Variants in RASIP1 observed in about 807,000 individuals in gnomAD.
RASIP1 encodes the protein ras-interacting protein 1.
A neutral mutation model predicts 85.3 loss-of-function variants in RASIP1; 20 were observed. That is an observed-to-expected ratio of 0.23 (90% CI 0.17 to 0.34). The LOEUF (loss-of-function observed/expected upper bound fraction) is 0.34. Among genes scored for constraint, RASIP1 ranks in the 10% least tolerant of loss-of-function variants. The probability of loss-of-function intolerance (pLI) is 1.00; values close to 1 mark genes in which losing one functional copy is unlikely to be tolerated. For synonymous variants in RASIP1, 617 were observed against 647.1 expected, an observed-to-expected ratio of 0.95 and a Z score of 0.71; for missense variants, 1,170 against 1,390.9, an observed-to-expected ratio of 0.84 and a Z score of 2.53.
At chr19:48,737,830 A>G in intron 3 of RASIP1, 1 of 984,530 alleles carries the variant, frequency 1.0e-6, no homozygotes, top group Non-Finnish European at 1.2e-6. Flanking sequence ...CCGCCCCACA[A>G]CATGCCCCGC....
At position 48,739,318 on chromosome 19, in the gene RASIP1, C is replaced by T. The variant is rs1389761818; in HGVS notation, c.465G>A (p.Leu155=). 8 of 1,381,582 alleles carry T rather than the reference C, an allele frequency of 5.8e-6. No homozygotes were observed. The African/African-American group carries it at 1.1e-4, about 18-fold the overall frequency. The allele number at this position is 1,381,582 out of a possible 1,614,324, so 85.6% of individuals were successfully genotyped here. A position where few individuals can be genotyped will look rare whatever the true frequency, so the allele number is the denominator to read the frequency against. ...PGVLKIFGAG[L]ASGANYKSVL... ...CGCTCTTGTAGTTGGCGCCCGATGCCAGTCCGGCGCCGAAGATCTTGAGGA... is the reference window on the plus strand; with the variant it reads ...CGCTCTTGTAGTTGGCGCCCGATGCTAGTCCGGCGCCGAAGATCTTGAGGA... Residue 155 remains leucine (L), a synonymous_variant, in exon 3 of 12, where the codon CTG becomes CTA. Transcript: ENST00000222145. This position sits in a 1 kb window ranked among gnomAD's most constrained non-coding sequence, Gnocchi z 9.2.
Position 48,735,409 on chromosome 19 carries a change from A to G in RASIP1, c.966T>C (p.Ser322=). Residue 322 remains serine, a synonymous_variant, in exon 4 of 12, where the codon TCT becomes TCC. Coordinates refer to ENST00000222145, the MANE Select transcript of RASIP1 (RefSeq NM_017805.3). ...TAAGCTCCGACACGCTGCGCCGCAA[A>G]GACAAGTTTTCTGAGCGCTCCTTGC... ...SGGKERSENL[S]LRRSVSELSL... is the part of the protein sequence containing the mutation. The G allele has an allele frequency of 1.2e-6, 2 of 1,612,552 alleles. No individual in the cohort carries two copies. Among genetic ancestry groups the G allele is most frequent in the African/African-American group, 2.7e-5 (2 of 75,052 alleles).
Position 48,720,957 on chromosome 19 carries a change from G to A in RASIP1, c.2733C>T (p.Ile911=), listed in dbSNP as rs377403982. The A allele has an allele frequency of 6.2e-7, 1 of 1,611,738 alleles. No homozygotes were observed. Among genetic ancestry groups the A allele is most frequent in the Admixed American group, 1.7e-5 (1 of 59,946 alleles). ...GCAGGCGCGAGCTCCCCAGGGGGAG[G>A]ATGAGGGGCGGGTGCGAGGAGAAGC... ...FESFSSHPPL[I]LPLGSSRLRL... is the part of the protein sequence containing the mutation. The change falls in exon 12 of 12, where the codon ATC becomes ATT. Residue 911 remains isoleucine (I), a synonymous_variant. Coordinates refer to ENST00000222145, the MANE Select transcript of RASIP1 (RefSeq NM_017805.3).
In RASIP1 at chr19:48,726,876, C is replaced by G; in HGVS notation, c.2036G>C (p.Cys679Ser). The G allele has an allele frequency of 6.2e-7, 1 of 1,613,722 alleles. No homozygotes were observed. The highest frequency in any genetic ancestry group is 8.5e-7 in the Non-Finnish European group (1 of 1,179,784). ...KEADQEDPQL[C>S]NDLELCDEAM... The stretch of plus-strand genomic sequence containing the variant: ...CTCATCACATAATTCCAAGTCATTG[C>G]AGAGCTGTGGGTCTGAGGACAGGCT... Residue 679 changes from cysteine to serine, a missense_variant, in exon 8 of 12, where the codon TGC (cysteine) becomes TCC (serine). This residue lies in a region of RASIP1 where 426 missense variants were observed against 576.2 expected (regional missense o/e 0.74). Transcript: ENST00000222145.
At chr19:48,729,636 A>G (rs1281680354) in intron 4 of RASIP1, 46 bp from the exon 5 acceptor site, 6 of 1,514,356 alleles carry the variant, frequency 4.0e-6, no homozygotes, top group Admixed American at 1.9e-5. Flanking sequence ...TTCAATCCAT[A>G]TCTTCAGATC....
In RASIP1 at chr19:48,728,993, C is replaced by T. The variant is rs1212668157; in HGVS notation, c.1777G>A (p.Gly593Ser). The change falls in exon 5 of 12, where the codon GGC becomes AGC. Residue 593 changes from glycine to serine, a missense_variant. Gly to Ser is a moderately conservative substitution (Grantham distance 56). Coordinates refer to ENST00000222145, the MANE Select transcript of RASIP1 (RefSeq NM_017805.3). ...CGGCCCAGCAGTCGTGGCAGGTGGC[C>T]CAGCTCCAGCTCACGGGCGGAATGC... ...VQHSARELEL[G>S]HLPRLLGRLA... 3 of 1,453,078 alleles carry T rather than the reference C, an allele frequency of 2.1e-6. No individual in the cohort carries two copies. Among genetic ancestry groups the T allele is most frequent in the Non-Finnish European group, 1.8e-6 (2 of 1,111,528 alleles). 90.0% of individuals were successfully genotyped at this position (1,453,078 alleles called of 1,614,324 possible).
rs764913382 is a variant in RASIP1, at chr19:48,721,941, G to C, written c.2605C>G (p.Leu869Val). 10 of 1,578,870 alleles carry C rather than the reference G, an allele frequency of 6.3e-6. No homozygotes were observed. In the Admixed American group the frequency reaches 1.5e-4, roughly 23 times the overall value. The change falls in exon 11 of 12, where the codon CTG becomes GTG. Residue 869 changes from leucine to valine, a missense_variant. By Grantham distance (32) the Leu-to-Val change is conservative (BLOSUM62 1). Transcript: ENST00000222145. ...PTLTPAQLHH[L>V]LSHYQLGPGR... ...GGGCCCAGCTGATAGTGGCTGAGCA[G>C]ATGGTGCAGCTGGGCGGGGGTCAAG...
At position 48,739,320 on chromosome 19, in the gene RASIP1, G is replaced by T. The variant is rs2122490366; in HGVS notation, c.463C>A (p.Leu155Met). 7.2e-7 allele frequency: 1 copy of T among 1,380,162 alleles called. No individual in the cohort carries two copies. The highest frequency in any genetic ancestry group is 1.5e-5 in the African/African-American group (1 of 65,840). 85.5% of individuals were successfully genotyped at this position (1,380,162 alleles called of 1,614,324 possible). The change falls in exon 3 of 12, where the codon CTG becomes ATG. Residue 155 changes from leucine to methionine, a missense_variant. Coordinates refer to ENST00000222145, the MANE Select transcript of RASIP1 (RefSeq NM_017805.3). This position sits in a 1 kb window ranked among gnomAD's most constrained non-coding sequence, Gnocchi z 9.2. Reference protein sequence around the residue: ...PGVLKIFGAGLASGANYKSVL... With the variant: ...PGVLKIFGAGMASGANYKSVL... ...CTCTTGTAGTTGGCGCCCGATGCCAGTCCGGCGCCGAAGATCTTGAGGACC... is the reference window on the plus strand; with the variant it reads ...CTCTTGTAGTTGGCGCCCGATGCCATTCCGGCGCCGAAGATCTTGAGGACC...
Position 48,720,702 on chromosome 19 carries a change from G to T in RASIP1, c.*96C>A. The T allele has an allele frequency of 7.4e-7, 1 of 1,351,026 alleles. No individual in the cohort carries two copies. Among genetic ancestry groups the T allele is most frequent in the Non-Finnish European group, 1.0e-6 (1 of 955,900 alleles). The allele number at this position is 1,351,026 out of a possible 1,614,324, so 83.7% of individuals were successfully genotyped here. A position where few individuals can be genotyped will look rare whatever the true frequency, so the allele number is the denominator to read the frequency against. On this transcript the variant is annotated 3_prime_UTR_variant, in exon 12 of 12. Coordinates refer to ENST00000222145, the MANE Select transcript of RASIP1 (RefSeq NM_017805.3). Reference sequence around the variant, plus strand: ...TCTCCCAACATTCCACGCGGGATAAGAACTACAACTCCCAGAAAGCTTTGC... The same window carrying T: ...TCTCCCAACATTCCACGCGGGATAATAACTACAACTCCCAGAAAGCTTTGC...
rs1434160213 is a variant in RASIP1, at chr19:48,739,618, G to A, written c.165C>T (p.Arg55=). 9 of 1,447,902 alleles carry A rather than the reference G, an allele frequency of 6.2e-6. No individual in the cohort carries two copies. Among genetic ancestry groups the A allele is most frequent in the Non-Finnish European group, 8.2e-6 (9 of 1,100,090 alleles). 89.7% of individuals were successfully genotyped at this position (1,447,902 alleles called of 1,614,324 possible). The change falls in exon 3 of 12, where the codon CGC becomes CGT. Residue 55 remains arginine (R), a synonymous_variant. Coordinates refer to ENST00000222145, the MANE Select transcript of RASIP1 (RefSeq NM_017805.3). This position sits in a 1 kb window ranked among gnomAD's most constrained non-coding sequence, Gnocchi z 9.2. ...VKSSSSDTGS[R]SSEPLPPPPP... ...GGGGCGGAGGTAGCGGCTCGCTGCT[G>A]CGGCTCCCCGTGTCCGACGAAGAAG...
In RASIP1 at chr19:48,724,841, G is replaced by C; in HGVS notation, c.2247C>G (p.Gly749=). ...AMPPGLRPTL[G]VFQAALELTS... ...TCAGCTCCAAGGCTGCCTGGAACACGCCCAGGGTAGGTCTCAATCCTGGAG... is the reference window on the plus strand; with the variant it reads ...TCAGCTCCAAGGCTGCCTGGAACACCCCCAGGGTAGGTCTCAATCCTGGAG... The change falls in exon 9 of 12, where the codon GGC becomes GGG. Residue 749 remains glycine (G), a synonymous_variant. Coordinates refer to ENST00000222145, the MANE Select transcript of RASIP1 (RefSeq NM_017805.3). This position sits in a 1 kb window ranked among gnomAD's most constrained non-coding sequence, Gnocchi z 4.6. 1.2e-6 allele frequency: 2 copies of C among 1,614,242 alleles called. No homozygotes were observed. Among genetic ancestry groups the C allele is most frequent in the Non-Finnish European group, 1.7e-6 (2 of 1,180,056 alleles).
At position 48,727,144 on chromosome 19, in the gene RASIP1, A is replaced by G. The variant is rs764874299; in HGVS notation, c.1886T>C (p.Val629Ala). The G allele has an allele frequency of 6.2e-7, 1 of 1,613,726 alleles. No homozygotes were observed. The highest frequency in any genetic ancestry group is 8.5e-7 in the Non-Finnish European group (1 of 1,179,990). Residue 629 changes from valine (V) to alanine (A), a missense_variant, in exon 7 of 12, where the codon GTC becomes GCC. By Grantham distance (64) the Val-to-Ala change is moderately conservative. This residue lies in a region of RASIP1 where 426 missense variants were observed against 576.2 expected (regional missense o/e 0.74). Transcript: ENST00000222145. ...TTCAGGAGTCAGGGGCACCTCGGGG[A>G]CCCCCTCAGGGTGGCTTGAAAAAGA... is the stretch of plus-strand genomic sequence containing the variant. ...DRQPENHPEG[V>A]PEVPLTPEAV...
chr19:48,727,677 G>A (rs115042212), intron 5 of RASIP1, among the ~76,000 whole-genome samples: 1,746 of 149,338 alleles, frequency 0.012, 47 homozygotes, highest in African/African-American at 0.041. Context: ...CTCTTCATAC[G>A]GATTCTTTTT....
Position 48,728,021 on chromosome 19 carries a change from A to G in RASIP1, c.1834-591T>C, listed in dbSNP as rs80146866. ...AAATTCTAATCCCACAAGCTTTAGA[A>G]TGGTCTCTCCTTACTTTTTAAAACA... is the stretch of plus-strand genomic sequence containing the variant. On this transcript the variant is annotated intron_variant, in intron 5 of 11. Transcript: ENST00000222145. Among the ~76,000 whole-genome samples, 170 of 152,266 alleles carry G rather than the reference A, an allele frequency of 1.1e-3. 1 individual carries two copies. The highest frequency in any genetic ancestry group is 3.9e-3 in the African/African-American group (163 of 41,570).
At chr19:48,737,842 C>CA (rs2033601466) in intron 3 of RASIP1, 1 of 985,284 alleles carries the variant, frequency 1.0e-6, no homozygotes, top group Non-Finnish European at 1.2e-6. Flanking sequence ...ATGCCCCGCC[C>CA]ATCTGCTCTG....
chr19:48,734,389 C>T (rs1181183139), intron 4 of RASIP1, among the ~76,000 whole-genome samples: 3 of 151,798 alleles, frequency 2.0e-5, no homozygotes, highest in Admixed American at 6.6e-5. Context: ...TCATAGCTCA[C>T]GGAAGCCTCG....
Position 48,740,099 on chromosome 19 carries a change from G to A in RASIP1, c.137+47C>T, listed in dbSNP as rs1176890589. ...GACTGGGCAGTGAACAGGGACAGAT[G>A]GGAAGCAGGTGTGCAGGGGCAGGAG... On this transcript the variant is annotated intron_variant, in intron 2 of 11. Coordinates refer to ENST00000222145, the MANE Select transcript of RASIP1 (RefSeq NM_017805.3). This position sits in a 1 kb window ranked among gnomAD's most constrained non-coding sequence, Gnocchi z 5.5. 3.3e-6 allele frequency: 5 copies of A among 1,523,536 alleles called. No homozygotes were observed. The highest frequency in any genetic ancestry group is 3.5e-6 in the Non-Finnish European group (4 of 1,140,216). The allele number at this position is 1,523,536 out of a possible 1,614,324, so 94.4% of individuals were successfully genotyped here.
At chr19:48,723,657 G>A (rs78792584) in intron 10 of RASIP1, among the ~76,000 whole-genome samples, 34 of 151,948 alleles carry the variant, frequency 2.2e-4, no homozygotes, top group African/African-American at 8.0e-4. Context: ...CACCTACTTC[G>A]ATGGGGCTTT....
chr19:48,726,957 C>T (rs777499802), intron 7 of RASIP1, 50 bp downstream of exon 7: 52 of 1,611,146 alleles, frequency 3.2e-5, no homozygotes, highest in Non-Finnish European at 4.2e-5. Context: ...TCCCCAGGTG[C>T]AGGGCATGAT....
Sources: allele counts gnomAD v4.1 joint callset (sites outside exome capture counted in the v4.1 genomes callset), GRCh38; gene constraint gnomAD v4.1.1; regional missense constraint gnomAD v4.1.1; non-coding constraint Gnocchi (gnomAD v3.1); transcripts MANE v1.5; gene names NCBI Gene and HGNC (gene_info 2026-07-23, HGNC 2026-07-21).